CACNA2D4: variants seen among roughly 807,000 people sequenced by gnomAD.
The protein encoded by CACNA2D4 is voltage-dependent calcium channel subunit alpha-2/delta-4.
CACNA2D4 carries 157 observed loss-of-function variants against 163.8 expected under a neutral mutation model. The ratio of observed to expected loss-of-function variants is 0.96; its 90% CI spans 0.84 to 1.09. The LOEUF (loss-of-function observed/expected upper bound fraction) is 1.09, where lower values mean the gene tolerates loss of function less well. CACNA2D4 is among the 50% of genes least tolerant of loss of function. CACNA2D4 has a pLI of 0.00. For missense variants in CACNA2D4, 1,410 were observed against 1,479.9 expected (o/e 0.95, Z 0.78); for synonymous variants, 598 against 586.9 (o/e 1.02, Z -0.27).
Position 1,868,870 on chromosome 12 carries a change from TAC to T in CACNA2D4, c.1878+5732_1878+5733del, listed in dbSNP as rs112766441. 4.2e-3 allele frequency among the ~76,000 whole-genome samples: 637 copies of T among 152,310 alleles called. 4 individuals are homozygous for T. Among genetic ancestry groups the T allele is most frequent in the African/African-American group, 0.014 (602 of 41,560 alleles). ...TTTTCTGTCATTATCCCTTAAACAA[TAC>T]AGTGTAGCTATTTATATAGCAATTA... is the stretch of plus-strand genomic sequence containing the variant. On this transcript the variant is annotated intron_variant, in intron 18 of 37. Transcript: ENST00000382722.
At chr12:1,795,612 G>T in intron 36 of CACNA2D4, 56 bp downstream of exon 36, 1 of 1,258,706 alleles carries the variant, frequency 7.9e-7, no homozygotes, top group Non-Finnish European at 1.2e-6. Flanking sequence ...GAGCCCTACA[G>T]ACACCTCCTA....
intron 26 of CACNA2D4, among the ~76,000 whole-genome samples, chr12:1,818,017 G>A (rs1446296366): frequency 1.9e-4 from 29 of 149,416 alleles, no homozygotes; most frequent in African/African-American, 5.7e-4. Flanking sequence ...CTGCCCGGCC[G>A]CCATCCCATC....
chr12:1,818,686 T>C (rs1053224387), intron 26 of CACNA2D4, among the ~76,000 whole-genome samples: 37 of 149,188 alleles, frequency 2.5e-4, no homozygotes, highest in African/African-American at 8.8e-4. Context: ...TGTTCACTTG[T>C]TTATCTGCTG....
At chr12:1,900,739 C>T (rs779442108) in intron 6 of CACNA2D4, among the ~76,000 whole-genome samples, 4 of 152,054 alleles carry the variant, frequency 2.6e-5, no homozygotes, top group Non-Finnish European at 5.9e-5. Context: ...GAGATGGACC[C>T]CAATACATAA....
chr12:1,830,390 C>T (rs558184144), intron 26 of CACNA2D4, among the ~76,000 whole-genome samples: 13 of 152,322 alleles, frequency 8.5e-5, no homozygotes, highest in African/African-American at 2.6e-4. Context: ...TTTGTGCTCT[C>T]GCCTTTCCAT....
intron 26 of CACNA2D4, among the ~76,000 whole-genome samples, chr12:1,817,862 G>A (rs1360504322): frequency 6.6e-6 from 1 of 152,018 alleles, no homozygotes; most frequent in Non-Finnish European, 1.5e-5. Context: ...CGCCTGCCTT[G>A]GCCTCCCAAA....
intron 6 of CACNA2D4, among the ~76,000 whole-genome samples, chr12:1,906,408 C>T (rs1302936107): frequency 2.0e-5 from 3 of 152,160 alleles, no homozygotes; most frequent in Non-Finnish European, 2.9e-5. Flanking sequence ...AAATTATTTG[C>T]AAATCACATA....
In CACNA2D4 at chr12:1,802,123, G is replaced by A. The variant is rs1223582783; in HGVS notation, c.2722-479C>T. On this transcript the variant is annotated intron_variant, in intron 29 of 37. Coordinates refer to ENST00000382722, the MANE Select transcript of CACNA2D4 (RefSeq NM_172364.5). The surrounding 1 kb of genome is among the most constrained non-coding windows in gnomAD (Gnocchi z 4.7). ...CAGAAGCAGCGCCTGTCTCATGCAC[G>A]CTGGTGTCCTCATCTTCCCAGTGTG... 1.3e-5 allele frequency among the ~76,000 whole-genome samples: 2 copies of A among 150,622 alleles called. No individual in the cohort carries two copies. The highest frequency in any genetic ancestry group is 4.9e-5 in the African/African-American group (2 of 41,066).
chr12:1,795,491 CT>C, intron 36 of CACNA2D4, 110 bp from the exon 37 acceptor site: 1 of 1,133,990 alleles, frequency 8.8e-7, no homozygotes, highest in Non-Finnish European at 1.3e-6. Flanking sequence ...CTGCAAGCAG[CT>C]TTAGGGTCAG....
rs556869334 is a variant in CACNA2D4 at position 1,843,362 on chromosome 12, G to A, written c.2470+1040C>T. On this transcript the variant is annotated intron_variant, in intron 25 of 37. Transcript: ENST00000382722. This position sits in a 1 kb window ranked among gnomAD's most constrained non-coding sequence, Gnocchi z 4.6. ...GAGGATGGTTTGGCAAAGTGGTGGT[G>A]GAAGGCCTTTGGCAGAAGGGCGTCC... 1.1e-4 allele frequency among the ~76,000 whole-genome samples: 17 copies of A among 152,316 alleles called. 1 individual carries two copies. In the East Asian group the frequency reaches 3.1e-3, roughly 28 times the overall value.
In CACNA2D4 at chr12:1,886,363, C is replaced by G. The variant is rs368482186; in HGVS notation, c.853G>C (p.Ala285Pro). 2 of 1,613,550 alleles carry G rather than the reference C, an allele frequency of 1.2e-6. No homozygotes were observed. The highest frequency in any genetic ancestry group is 2.7e-5 in the African/African-American group (2 of 74,902). The change falls in exon 8 of 38, where the codon GCT becomes CCT. Residue 285 changes from alanine (A) to proline (P), a missense_variant. By Grantham distance (27) the Ala-to-Pro change is conservative. Transcript: ENST00000382722. ...ACTATGTCCTTGGGAGAAGTAGCAG[C>G]TTGAATGTACCTGAAGGAAGAAAGG... ...DCRNRGWYIQ[A>P]ATSPKDIVIL...
At position 1,917,051 on chromosome 12, in the gene CACNA2D4, A is replaced by T. The variant is rs560820404; in HGVS notation, c.227+1196T>A. ...TCTGGGGATGAAAATTGTTCTGAACATCTCCTGCAGCAACAGATAGCGTTA... is the reference window on the plus strand; with the variant it reads ...TCTGGGGATGAAAATTGTTCTGAACTTCTCCTGCAGCAACAGATAGCGTTA... On this transcript the variant is annotated intron_variant, in intron 1 of 37. Transcript: ENST00000382722. The surrounding 1 kb of genome is among the most constrained non-coding windows in gnomAD (Gnocchi z 4.3). Among the ~76,000 whole-genome samples the T allele has an allele frequency of 1.3e-5, 2 of 152,262 alleles. No individual in the cohort carries two copies. Among genetic ancestry groups the T allele is most frequent in the East Asian group, 3.9e-4 (2 of 5,168 alleles).
In CACNA2D4 at chr12:1,802,015, C is replaced by CTG. The variant is rs60739615; in HGVS notation, c.2722-373_2722-372dup. 0.074 allele frequency among the ~76,000 whole-genome samples: 10,630 copies of CTG among 144,054 alleles called. 402 individuals are homozygous for CTG. The highest frequency in any genetic ancestry group is 0.11 in the Admixed American group (1,638 of 14,592). 94.5% of individuals were successfully genotyped at this position (144,054 alleles called of 152,430 possible). A position where few individuals can be genotyped will look rare whatever the true frequency, so the allele number is the denominator to read the frequency against. On this transcript the variant is annotated intron_variant, in intron 29 of 37. Coordinates refer to ENST00000382722, the MANE Select transcript of CACNA2D4 (RefSeq NM_172364.5). This position sits in a 1 kb window ranked among gnomAD's most constrained non-coding sequence, Gnocchi z 4.7. The stretch of plus-strand genomic sequence containing the variant: ...TATGAAACTGGATTTGTTTTATATG[C>CTG]TGTGTGTGTGTGTGTGTGTGTGTGT...
At chr12:1,795,825 G>T in intron 35 of CACNA2D4, 45 bp from the exon 36 acceptor site, 2 of 1,223,300 alleles carry the variant, frequency 1.6e-6, no homozygotes, top group African/African-American at 1.5e-5. Flanking sequence ...TGGCGACCAC[G>T]AGAAGGGCTT....
At chr12:1,904,068 GCAA>G (rs1203250615) in intron 6 of CACNA2D4, among the ~76,000 whole-genome samples, 3 of 152,170 alleles carry the variant, frequency 2.0e-5, no homozygotes, top group Admixed American at 2.0e-4. Flanking sequence ...TCTGTCATTT[GCAA>G]CAACATGAAT....
intron 26 of CACNA2D4, among the ~76,000 whole-genome samples, chr12:1,826,596 C>T (rs56787110): frequency 0.013 from 1,950 of 152,366 alleles, 41 homozygotes; most frequent in African/African-American, 0.044. Flanking sequence ...TGTGACCCCT[C>T]TGCCAACGCC....
rs773648282 is a variant in CACNA2D4 at position 1,846,641 on chromosome 12, G to A, written c.2295C>T (p.Gly765=). The stretch of plus-strand genomic sequence containing the variant: ...CCACGAACAAGCTGCTTCTCAGGAG[G>A]CCAGCCCGGGTGCCCAGGAAGGCCA... ...VDMAFLGTRA[G]LLRSSLFVGS... The change falls in exon 24 of 38, where the codon GGC becomes GGT. Residue 765 remains glycine (G), a synonymous_variant. Transcript: ENST00000382722. 1 of 1,604,774 alleles carries A rather than the reference G, an allele frequency of 6.2e-7. No individual in the cohort carries two copies. Among genetic ancestry groups the A allele is most frequent in the Admixed American group, 1.7e-5 (1 of 59,340 alleles).
At position 1,882,918 on chromosome 12, in the gene CACNA2D4, G is replaced by T; in HGVS notation, c.1434C>A (p.Val478=). The T allele has an allele frequency of 6.2e-7, 1 of 1,613,812 alleles. No homozygotes were observed. Among genetic ancestry groups the T allele is most frequent in the South Asian group, 1.1e-5 (1 of 91,008 alleles). ...EYLHVLSRPM[V]INHDHDIIWT... is the part of the protein sequence containing the mutation. ...AGATGATGTCGTGGTCGTGGTTGAT[G>T]ACCATGGGGCGGCTGAGCACGTGCA... The change falls in exon 13 of 38, where the codon GTC becomes GTA. Residue 478 remains valine, a synonymous_variant. Coordinates refer to ENST00000382722, the MANE Select transcript of CACNA2D4 (RefSeq NM_172364.5).
rs1384849099 is a variant in CACNA2D4 at position 1,795,382 on chromosome 12, G to A, written c.3227-1C>T. On this transcript the variant is annotated splice_acceptor_variant, in intron 36 of 37. Transcript: ENST00000382722. LOFTEE classifies it high-confidence loss of function. ...CGGTCACATTTGACAGAGGCATTAT[G>A]TGCAGAAGCCACTGTTAAGGTCAAT... 1.9e-6 allele frequency: 3 copies of A among 1,609,640 alleles called. No individual in the cohort carries two copies. The highest frequency in any genetic ancestry group is 2.5e-6 in the Non-Finnish European group (3 of 1,179,496).
Sources: allele counts gnomAD v4.1 joint callset (sites outside exome capture counted in the v4.1 genomes callset), GRCh38; gene constraint gnomAD v4.1.1; non-coding constraint Gnocchi (gnomAD v3.1); transcripts MANE v1.5; gene names NCBI Gene and HGNC (gene_info 2026-07-23, HGNC 2026-07-21).